ZPLD1: variants seen among roughly 807,000 people sequenced by gnomAD.
The protein encoded by ZPLD1 is zona pellucida-like domain-containing protein 1.
A neutral mutation model predicts 47.2 loss-of-function variants in ZPLD1; 34 were observed. The ratio of observed to expected loss-of-function variants is 0.72; its 90% confidence interval spans 0.55 to 0.96. ZPLD1 has a LOEUF of 0.96. ZPLD1 is among the 40% of genes least tolerant of loss of function. The probability of loss-of-function intolerance (pLI) is 0.00; values close to 1 mark genes in which losing one functional copy is unlikely to be tolerated. For synonymous variants in ZPLD1, 176 were observed against 186.2 expected (o/e 0.95, Z 0.45); for missense variants, 512 against 505.8 (o/e 1.01, Z -0.12).
intron 8 of ZPLD1, among the ~76,000 whole-genome samples, chr3:102,419,990 A>T (rs1162697339): frequency 1.3e-5 from 2 of 150,502 alleles, no homozygotes; most frequent in Non-Finnish European, 3.0e-5. Flanking sequence ...GTTTGTCTTC[A>T]TTGTAAAATG....
intron 6 of ZPLD1, among the ~76,000 whole-genome samples, chr3:102,461,656 G>A (rs757224803): frequency 1.3e-5 from 2 of 151,870 alleles, no homozygotes; most frequent in African/African-American, 4.8e-5. Flanking sequence ...ATTATTTAAA[G>A]CTTGCATCTT....
chr3:102,410,820 G>GCTACA (rs1706740663), intron 7 of ZPLD1, among the ~76,000 whole-genome samples: 1 of 151,830 alleles, frequency 6.6e-6, no homozygotes, highest in Non-Finnish European at 1.5e-5. Context: ...TGAAAGGCTT[G>GCTACA]CTACACATGC....
chr3:102,385,193 C>A (rs564583306), exon 6 of ZPLD1: 5 of 152,300 alleles, frequency 3.3e-5, no homozygotes, highest in South Asian at 2.1e-4. Flanking sequence ...TTCTAAAAGT[C>A]TCCACATTTG....
intron 10 of ZPLD1, among the ~76,000 whole-genome samples, chr3:102,470,740 AC>A (rs2107355728): frequency 6.6e-6 from 1 of 151,852 alleles, no homozygotes; most frequent in Admixed American, 6.6e-5. Flanking sequence ...ACACACACAC[AC>A]ACACACGCAC....
intron 8 of ZPLD1, 56 bp downstream of exon 8, chr3:102,464,307 T>C (rs938918968): frequency 1.4e-5 from 17 of 1,212,022 alleles, no homozygotes; most frequent in Middle Eastern, 1.9e-4. Context: ...TTGTAGATAA[T>C]TGAAATGGAA....
chr3:102,396,376 G>T (rs189435438), intron 7 of ZPLD1, among the ~76,000 whole-genome samples: 1 of 152,174 alleles, frequency 6.6e-6, no homozygotes, highest in East Asian at 1.9e-4. Context: ...AAATTAAATT[G>T]CATGTGATGC....
intron 4 of ZPLD1, among the ~76,000 whole-genome samples, chr3:102,455,482 C>CT (rs1281557069): frequency 6.6e-6 from 1 of 152,162 alleles, no homozygotes. Flanking sequence ...AGATAAGTAT[C>CT]TTTATGAACT....
intron 4 of ZPLD1, among the ~76,000 whole-genome samples, chr3:102,453,626 G>A (rs1024930059): frequency 6.6e-6 from 1 of 152,158 alleles, no homozygotes; most frequent in African/African-American, 2.4e-5. Flanking sequence ...TTTGTAAAAA[G>A]GGGCTGTCAG....
intron 3 of ZPLD1, among the ~76,000 whole-genome samples, chr3:102,445,443 A>T (rs1338010849): frequency 1.3e-5 from 2 of 152,188 alleles, no homozygotes; most frequent in Admixed American, 1.3e-4. Flanking sequence ...ATATTTGTTA[A>T]GAGGCTTAAA....
At chr3:102,464,351 T>C (rs1222643629) in intron 8 of ZPLD1, 100 bp downstream of exon 8, 5 of 794,434 alleles carry the variant, frequency 6.3e-6, no homozygotes, top group African/African-American at 5.3e-5. Flanking sequence ...AGCACTATTA[T>C]AGCTTTTGAA....
intron 8 of ZPLD1, among the ~76,000 whole-genome samples, chr3:102,428,712 A>G (rs1038986733): frequency 6.6e-6 from 1 of 150,930 alleles, no homozygotes; most frequent in Admixed American, 6.6e-5. Context: ...TTATTAAATA[A>G]CATATATGTA....
At position 102,470,466 on chromosome 3, in the gene ZPLD1, G is replaced by A. The variant is rs1030698681; in HGVS notation, c.1006G>A (p.Ala336Thr). 1.1e-5 allele frequency: 17 copies of A among 1,613,890 alleles called. No individual in the cohort carries two copies. The African/African-American group carries it at 2.0e-4, about 19-fold the overall frequency. The part of the protein sequence containing the change: ...TWSPQSSSGS[A>T]VLSAGPIITR... Reference sequence around the variant, plus strand: ...GAGCCCCCAGAGCTCTTCTGGCAGCGCGGTGCTCTCTGCTGGTCCCATCAT... The same window carrying A: ...GAGCCCCCAGAGCTCTTCTGGCAGCACGGTGCTCTCTGCTGGTCCCATCAT... The change falls in exon 10 of 12, where the codon GCG (alanine) becomes ACG (threonine). Residue 336 changes from alanine (A) to threonine (T), a missense_variant. Ala to Thr is a moderately conservative substitution (Grantham distance 58, BLOSUM62 0). Coordinates refer to ENST00000466937, the MANE Select transcript of ZPLD1 (RefSeq NM_001329788.2).
In ZPLD1 at chr3:102,421,550, T is replaced by C. The variant is rs187523646; in HGVS notation, c.-9+3343T>C. ...CTGGCAGAGAAATTCTAATTAGAAA[T>C]CTCTTGAATAAATATTTAAAATGAA... On this transcript the variant is annotated intron_variant, in intron 8 of 17. Coordinates refer to the ZPLD1 transcript ENST00000491959. Among the ~76,000 whole-genome samples the C allele has an allele frequency of 7.8e-4, 118 of 152,042 alleles. 1 individual carries two copies. The highest frequency in any genetic ancestry group is 2.8e-3 in the African/African-American group (115 of 41,572).
Position 102,438,512 on chromosome 3 carries a change from CT to C in ZPLD1, c.27del (p.Leu10Ter). 6.2e-7 allele frequency: 1 copy of C among 1,613,928 alleles called. No homozygotes were observed. The highest frequency in any genetic ancestry group is 8.5e-7 in the Non-Finnish European group (1 of 1,179,836). On this transcript the variant is annotated frameshift_variant, in exon 3 of 12. Transcript: ENST00000466937. LOFTEE classifies it high-confidence loss of function. Reference sequence around the variant, plus strand: ...AATGGAACAAATATGGTTGCTGCTGCTTCTAACAATTAGAGTGCTTCCGGGG... The same window carrying C: ...AATGGAACAAATATGGTTGCTGCTGCTCTAACAATTAGAGTGCTTCCGGGG... MEQIWLLL[L>X]LTIRVLPGSA...
intron 3 of ZPLD1, among the ~76,000 whole-genome samples, chr3:102,439,895 A>G (rs896586795): frequency 3.3e-5 from 5 of 152,106 alleles, no homozygotes; most frequent in Non-Finnish European, 7.4e-5. Flanking sequence ...TATATCTTTT[A>G]TTTCATTTTG....
intron 3 of ZPLD1, among the ~76,000 whole-genome samples, chr3:102,439,999 G>A (rs1409414767): frequency 4.6e-5 from 7 of 152,078 alleles, no homozygotes; most frequent in Non-Finnish European, 8.8e-5. Context: ...TTCTGACACC[G>A]GATTTGGCCA....
intron 6 of ZPLD1, among the ~76,000 whole-genome samples, chr3:102,390,909 A>G (rs536712513): frequency 9.2e-5 from 14 of 152,300 alleles, no homozygotes; most frequent in Middle Eastern, 3.4e-3. Flanking sequence ...ATTAGCATGT[A>G]AGCCCAGTGA....
chr3:102,464,148 T>C, intron 7 of ZPLD1, 23 bp from the exon 8 acceptor site: 2 of 1,560,042 alleles, frequency 1.3e-6, no homozygotes, highest in South Asian at 1.1e-5. Flanking sequence ...GACTCTAGAT[T>C]ATGTTTGCTT....
intron 6 of ZPLD1, among the ~76,000 whole-genome samples, chr3:102,460,870 A>G (rs551953873): frequency 2.6e-4 from 39 of 152,086 alleles, no homozygotes; most frequent in African/African-American, 9.1e-4. Flanking sequence ...AAAGGGCTGT[A>G]TAGTTAATGA....
Sources: gnomAD v4.1 joint callset for allele counts (sites outside exome capture counted in the v4.1 genomes callset) on GRCh38, gnomAD v4.1.1 for gene constraint, MANE v1.5 for transcripts, NCBI Gene and HGNC (gene_info 2026-07-23, HGNC 2026-07-21) for gene names.